The following CNTNAP2 variants were observed in gnomAD, a reference collection of about 807,000 sequenced individuals.
CNTNAP2 encodes contactin-associated protein-like 2.
CNTNAP2 carries 98 observed loss-of-function variants against 155.2 expected under a neutral mutation model. That is an observed-to-expected ratio of 0.63 (90% CI 0.54 to 0.75). The LOEUF (loss-of-function observed/expected upper bound fraction) is 0.75. Ranked by LOEUF, CNTNAP2 falls within the 30% of genes least tolerant of loss-of-function variation. CNTNAP2 has a pLI of 0.00. For synonymous variants in CNTNAP2, 651 were observed against 631.2 expected (o/e 1.03, Z -0.47); for missense variants, 1,727 against 1,688.1 (o/e 1.02, Z -0.40).
At chr7:148,181,176 C>G (rs2116703774) in intron 18 of CNTNAP2, among the ~76,000 whole-genome samples, 1 of 152,298 alleles carries the variant, frequency 6.6e-6, no homozygotes, top group Admixed American at 6.5e-5. Flanking sequence ...ACCCCAGGGT[C>G]TCCACCATGT....
intron 12 of CNTNAP2, among the ~76,000 whole-genome samples, chr7:147,598,530 G>A (rs1314180469): frequency 6.6e-6 from 1 of 152,098 alleles, no homozygotes; most frequent in East Asian, 1.9e-4. Flanking sequence ...TTTTATGGCT[G>A]CATAGTATTC....
intron 1 of CNTNAP2, among the ~76,000 whole-genome samples, chr7:146,154,268 T>A (rs1443668532): frequency 6.6e-6 from 1 of 152,126 alleles, no homozygotes; most frequent in African/African-American, 2.4e-5. Flanking sequence ...CTCAAAAGGG[T>A]TGCTATATAT....
intron 14 of CNTNAP2, among the ~76,000 whole-genome samples, chr7:147,938,355 G>A (rs1399918801): frequency 6.6e-6 from 1 of 152,050 alleles, no homozygotes; most frequent in Non-Finnish European, 1.5e-5. Context: ...CAATTGGATG[G>A]ATTATGATAA....
chr7:146,335,585 T>C (rs1801260555), intron 1 of CNTNAP2, among the ~76,000 whole-genome samples: 1 of 152,176 alleles, frequency 6.6e-6, no homozygotes, highest in Non-Finnish European at 1.5e-5. Flanking sequence ...TAGCTTTGCT[T>C]TTGACGGTTT....
At chr7:148,381,877 C>G (rs539344211) in intron 21 of CNTNAP2, among the ~76,000 whole-genome samples, 2,377 of 152,290 alleles carry the variant, frequency 0.016, 76 homozygotes, top group African/African-American at 0.054. Flanking sequence ...TTGGCCCCCC[C>G]CCAGGGGAAT....
At chr7:148,331,956 T>G (rs946829280) in intron 21 of CNTNAP2, among the ~76,000 whole-genome samples, 4 of 152,168 alleles carry the variant, frequency 2.6e-5, no homozygotes, top group Admixed American at 6.5e-5. Context: ...CCTTTCACCA[T>G]TTTGATCACA....
intron 8 of CNTNAP2, among the ~76,000 whole-genome samples, chr7:147,176,713 G>T (rs1200065627): frequency 3.4e-5 from 4 of 119,166 alleles, no homozygotes; most frequent in Admixed American, 2.0e-4. Context: ...ATATATAATA[G>T]AATTATATAT....
intron 13 of CNTNAP2, among the ~76,000 whole-genome samples, chr7:147,720,790 A>G (rs1010976616): frequency 2.6e-5 from 4 of 152,028 alleles, no homozygotes; most frequent in Admixed American, 2.0e-4. Context: ...CTGAACTGTG[A>G]GTTAGTTAAA....
intron 1 of CNTNAP2, among the ~76,000 whole-genome samples, chr7:146,724,420 T>A (rs1801393144): frequency 6.6e-6 from 1 of 152,164 alleles, no homozygotes; most frequent in Admixed American, 6.5e-5. Context: ...TTGCTAACAA[T>A]GTCTAATCTA....
intron 1 of CNTNAP2, among the ~76,000 whole-genome samples, chr7:146,592,512 C>G (rs554030276): frequency 1.3e-5 from 2 of 152,256 alleles, no homozygotes; most frequent in Admixed American, 6.5e-5. Flanking sequence ...TAGTTATAAG[C>G]CATGTGTCGC....
At chr7:147,918,247 G>C (rs186406667) in intron 14 of CNTNAP2, among the ~76,000 whole-genome samples, 20 of 152,308 alleles carry the variant, frequency 1.3e-4, no homozygotes, top group Admixed American at 5.2e-4. Context: ...TCACTTAGCA[G>C]CTAGTCAACA....
Position 147,980,768 on chromosome 7 carries a change from C to CAAAAAAAAA in CNTNAP2, c.2383+2784_2383+2792dup, listed in dbSNP as rs375398761. 1.1e-3 allele frequency among the ~76,000 whole-genome samples: 152 copies of CAAAAAAAAA among 135,624 alleles called. 2 individuals are homozygous for CAAAAAAAAA. Among genetic ancestry groups the CAAAAAAAAA allele is most frequent in the African/African-American group, 4.1e-3 (144 of 34,746 alleles). The allele number at this position is 135,624 out of a possible 152,430, so 89.0% of individuals were successfully genotyped here. On this transcript the variant is annotated intron_variant, in intron 15 of 23. Transcript: ENST00000361727. Reference sequence around the variant, plus strand: ...TGAAACCCCGTCTCTACTAAAAATACAAAAAAAAAAAAATTAGCCGGGCGT... The same window carrying CAAAAAAAAA: ...TGAAACCCCGTCTCTACTAAAAATACAAAAAAAAAAAAAAAAAAAAAATTAGCCGGGCGT...
chr7:147,929,084 C>G, intron 14 of CNTNAP2, among the ~76,000 whole-genome samples: 1 of 106,046 alleles, frequency 9.4e-6, no homozygotes, highest in Non-Finnish European at 1.7e-5. Flanking sequence ...AAGAACGAAA[C>G]TCCATCCCAA....
intron 11 of CNTNAP2, among the ~76,000 whole-genome samples, chr7:147,488,021 A>G (rs1018912031): frequency 2.7e-5 from 4 of 149,822 alleles, no homozygotes; most frequent in Admixed American, 6.7e-5. Context: ...AAAAGACCAT[A>G]CTACATAATT....
At chr7:147,765,726 C>A (rs1016258081) in intron 13 of CNTNAP2, among the ~76,000 whole-genome samples, 2 of 152,098 alleles carry the variant, frequency 1.3e-5, no homozygotes, top group African/African-American at 2.4e-5. Context: ...ATTTTATTTT[C>A]AGGTGTTTAC....
chr7:146,588,380 T>G (rs1798728736), intron 1 of CNTNAP2, among the ~76,000 whole-genome samples: 1 of 152,318 alleles, frequency 6.6e-6, no homozygotes, highest in Admixed American at 6.5e-5. Flanking sequence ...TACTGAAAAC[T>G]AAATCTTCAT....
chr7:146,665,059 G>A (rs1374325482), intron 1 of CNTNAP2, among the ~76,000 whole-genome samples: 4 of 151,928 alleles, frequency 2.6e-5, no homozygotes, highest in South Asian at 2.1e-4. Context: ...AGCGCTTCTC[G>A]TGCCTTAGCC....
rs142799113 is a variant in CNTNAP2, at chr7:147,659,423, C to T, written c.2098+20117C>T. 2.6e-4 allele frequency among the ~76,000 whole-genome samples: 39 copies of T among 152,274 alleles called. No individual in the cohort carries two copies. The East Asian group carries it at 4.1e-3, about 16-fold the overall frequency. On this transcript the variant is annotated intron_variant, in intron 13 of 23. Transcript: ENST00000361727. The stretch of plus-strand genomic sequence containing the variant: ...ACACATGCTCAGCAGAAACGTCTTA[C>T]GACATATTAAACCATTTTCTCCCTG...
chr7:147,020,811 C>A (rs998684798), intron 3 of CNTNAP2, among the ~76,000 whole-genome samples: 2 of 151,932 alleles, frequency 1.3e-5, no homozygotes, highest in Non-Finnish European at 2.9e-5. Flanking sequence ...TTCCTTCATC[C>A]CAGCATAAAT....
Sources: gnomAD v4.1 joint callset for allele counts (sites outside exome capture counted in the v4.1 genomes callset) on GRCh38, gnomAD v4.1.1 for gene constraint, MANE v1.5 for transcripts, NCBI Gene and HGNC (gene_info 2026-07-23, HGNC 2026-07-21) for gene names.